The following STAB1 variants were observed in gnomAD, a reference collection of about 807,000 sequenced individuals.
STAB1 encodes the protein stabilin 1.
In STAB1, 250 loss-of-function variants were observed where a neutral mutation model predicts 332.4. That is an observed-to-expected ratio of 0.75 (90% CI 0.68 to 0.84). The LOEUF (loss-of-function observed/expected upper bound fraction) is 0.84. STAB1 is among the 40% of genes least tolerant of loss of function. The probability of loss-of-function intolerance (pLI) is 0.00; values close to 1 mark genes in which losing one functional copy is unlikely to be tolerated. For synonymous variants in STAB1, 1,475 were observed against 1,390.4 expected (o/e 1.06, Z -1.35); for missense variants, 3,249 against 3,489.7 (o/e 0.93, Z 1.74).
Position 52,523,836 on chromosome 3 carries a change from C to T in STAB1, c.7396-35C>T, listed in dbSNP as rs752766247. The T allele has an allele frequency of 2.5e-6, 4 of 1,584,212 alleles. No homozygotes were observed. In the African/African-American group the frequency reaches 4.0e-5, roughly 16 times the overall value. Reference sequence around the variant, plus strand: ...GCCCGGGGAAGGTGGTGGGACAGCTCCCGCCAGGTCAACACTCTCCCTGTT... The same window carrying T: ...GCCCGGGGAAGGTGGTGGGACAGCTTCCGCCAGGTCAACACTCTCCCTGTT... On this transcript the variant is annotated intron_variant, in intron 66 of 68. Transcript: ENST00000321725.
At chr3:52,524,063 T>A (rs772231507) in intron 67 of STAB1, 37 bp from the exon 68 acceptor site, 1 of 1,612,804 alleles carries the variant, frequency 6.2e-7, no homozygotes, top group Non-Finnish European at 8.5e-7. Flanking sequence ...GGATCTCGCT[T>A]GAGGCGCCTC....
rs367750960 is a variant in STAB1 at position 52,514,380 on chromosome 3, C to G, written c.3562C>G (p.Arg1188Gly). 6.5e-7 allele frequency: 1 copy of G among 1,547,862 alleles called. No homozygotes were observed. The highest frequency in any genetic ancestry group is 8.7e-7 in the Non-Finnish European group (1 of 1,146,746). The part of the protein sequence containing the change: ...NSSHLDADTV[R>G]HHVVLGEALS... ...TCTCTTCCAGGACGCAGACACAGTG[C>G]GGCACCATGTGGTCCTGGGGGAGGC... The change falls in exon 34 of 69, where the codon CGG (arginine) becomes GGG (glycine). Residue 1188 changes from arginine to glycine, a missense_variant. Transcript: ENST00000321725.
At chr3:52,514,270 TC>T in intron 33 of STAB1, 57 bp downstream of exon 33, 1 of 1,602,200 alleles carries the variant, frequency 6.2e-7, no homozygotes, top group Non-Finnish European at 8.5e-7. Flanking sequence ...AGGGCGAGCC[TC>T]CAATCCCACC....
chr3:52,502,954 C>G (rs753701911), intron 6 of STAB1, 45 bp from the exon 7 acceptor site: 4 of 1,478,084 alleles, frequency 2.7e-6, no homozygotes, highest in Non-Finnish European at 3.6e-6. Context: ...GTGTTCCTCC[C>G]CAGCCTGGGC....
intron 3 of STAB1, 93 bp downstream of exon 3, chr3:52,501,846 C>A: frequency 7.2e-7 from 1 of 1,395,828 alleles, no homozygotes; most frequent in Non-Finnish European, 9.9e-7. Flanking sequence ...TCCCCTTCAA[C>A]TTGTTTGTTT....
At chr3:52,518,265 C>A (rs772200683) in intron 45 of STAB1, 47 bp from the exon 46 acceptor site, 7 of 1,607,458 alleles carry the variant, frequency 4.4e-6, no homozygotes, top group South Asian at 1.1e-5. Flanking sequence ...GGCACCAGGC[C>A]CTGAATGGGG....
At chr3:52,517,430 A>G (rs778105926) in intron 43 of STAB1, 37 bp downstream of exon 43, 1 of 1,577,854 alleles carries the variant, frequency 6.3e-7, no homozygotes, top group Non-Finnish European at 8.6e-7. Flanking sequence ...GCATCATGCC[A>G]TGCCCTCACA....
In STAB1 at chr3:52,503,834, C is replaced by A; in HGVS notation, c.954C>A (p.Phe318Leu). The change falls in exon 9 of 69, where the codon TTC becomes TTA. Residue 318 changes from phenylalanine to leucine, a missense_variant. Coordinates refer to ENST00000321725, the MANE Select transcript of STAB1 (RefSeq NM_015136.3). The part of the protein sequence containing the change: ...SINSNASAGC[F>L]AFCSPFSCDR... ...ACAGCAACGCTTCTGCGGGCTGCTT[C>A]GCCTTCTGCTCCCCCTTCTCCTGCG... The A allele has an allele frequency of 6.2e-7, 1 of 1,613,260 alleles. No homozygotes were observed. Among genetic ancestry groups the A allele is most frequent in the Non-Finnish European group, 8.5e-7 (1 of 1,180,022 alleles).
chr3:52,501,836 T>TC lies in STAB1; in HGVS notation c.331+87dup, dbSNP rs1375272779. 4 of 1,391,450 alleles carry TC rather than the reference T, an allele frequency of 2.9e-6. No individual in the cohort carries two copies. The African/African-American group carries it at 5.7e-5, about 20-fold the overall frequency. The allele number at this position is 1,391,450 out of a possible 1,614,324, so 86.2% of individuals were successfully genotyped here. ...AGCCCTCTGCAGGAGCCACCTGCATTCCCCTTCAACTTGTTTGTTTAATTA... is the reference window on the plus strand; with the variant it reads ...AGCCCTCTGCAGGAGCCACCTGCATTCCCCCTTCAACTTGTTTGTTTAATTA... On this transcript the variant is annotated intron_variant, in intron 3 of 68. Transcript: ENST00000321725.
chr3:52,513,864 G>T lies in STAB1; in HGVS notation c.3349-19G>T. ...CGTGAAGCAATGACATACTGACCAG[G>T]CCCTGTGCTCTGTACCAGGTCTTAC... is the stretch of plus-strand genomic sequence containing the variant. On this transcript the variant is annotated intron_variant, in intron 31 of 68. Coordinates refer to ENST00000321725, the MANE Select transcript of STAB1 (RefSeq NM_015136.3). 6.2e-7 allele frequency: 1 copy of T among 1,611,558 alleles called. No individual in the cohort carries two copies. The highest frequency in any genetic ancestry group is 8.5e-7 in the Non-Finnish European group (1 of 1,178,724).
chr3:52,498,569 C>T (rs943076902), intron 1 of STAB1, among the ~76,000 whole-genome samples: 3 of 152,240 alleles, frequency 2.0e-5, no homozygotes, highest in Non-Finnish European at 2.9e-5. Context: ...CCAAAGCTCC[C>T]GCTTCCTTCT....
Position 52,506,748 on chromosome 3 carries a change from C to T in STAB1, c.1887C>T (p.Ala629=), listed in dbSNP as rs745981144. 32 of 1,612,572 alleles carry T rather than the reference C, an allele frequency of 2.0e-5. No individual in the cohort carries two copies. Among genetic ancestry groups the T allele is most frequent in the Middle Eastern group, 1.6e-4 (1 of 6,078 alleles). The stretch of plus-strand genomic sequence containing the variant: ...CGCTGCAGAGGGTAGACGTGATGGC[C>T]GCCAATGGTGTGATCCACATGCTGG... ...GVPLQRVDVM[A]ANGVIHMLDG... is the part of the protein sequence containing the mutation. Residue 629 remains alanine, a synonymous_variant, in exon 18 of 69, where the codon GCC becomes GCT. Transcript: ENST00000321725.
intron 6 of STAB1, 118 bp from the exon 7 acceptor site, chr3:52,502,881 A>C: frequency 8.3e-7 from 1 of 1,209,578 alleles, no homozygotes; most frequent in Non-Finnish European, 1.1e-6. Context: ...CACTGTCCAG[A>C]GGCCCAGCAA....
intron 25 of STAB1, among the ~76,000 whole-genome samples, chr3:52,510,891 G>C (rs1027461267): frequency 6.6e-6 from 1 of 152,222 alleles, no homozygotes; most frequent in Non-Finnish European, 1.5e-5. Context: ...CTTCCATGTG[G>C]AGCATTTCAG....
At position 52,502,244 on chromosome 3, in the gene STAB1, G is replaced by T; in HGVS notation, c.487+16G>T. 6.2e-7 allele frequency: 1 copy of T among 1,608,120 alleles called. No individual in the cohort carries two copies. The highest frequency in any genetic ancestry group is 2.2e-5 in the East Asian group (1 of 44,856). The stretch of plus-strand genomic sequence containing the variant: ...TGCCAATCGGGTGAGTGCTTAAAAG[G>T]CAAGAGGGCACGGCCAGCGTCCACC... On this transcript the variant is annotated intron_variant, in intron 5 of 68. Transcript: ENST00000321725.
chr3:52,507,970 A>G lies in STAB1; in HGVS notation c.2092A>G (p.Thr698Ala), dbSNP rs1709000616. The change falls in exon 20 of 69, where the codon ACG (threonine) becomes GCG (alanine). Residue 698 changes from threonine to alanine, a missense_variant. Coordinates refer to ENST00000321725, the MANE Select transcript of STAB1 (RefSeq NM_015136.3). ...GGAGTGTGTCTACATCCATGACCCAACGGGGCTCAATGTGCTAAAGAAGGG... is the reference window on the plus strand; with the variant it reads ...GGAGTGTGTCTACATCCATGACCCAGCGGGGCTCAATGTGCTAAAGAAGGG... ...PKECVYIHDP[T>A]GLNVLKKGCA... is the part of the protein sequence containing the mutation. The G allele has an allele frequency of 2.5e-6, 4 of 1,613,670 alleles. No homozygotes were observed. The highest frequency in any genetic ancestry group is 2.5e-6 in the Non-Finnish European group (3 of 1,179,970).
At position 52,520,924 on chromosome 3, in the gene STAB1, G is replaced by A. The variant is rs139598015; in HGVS notation, c.5827G>A (p.Gly1943Ser). 3.3e-4 allele frequency: 520 copies of A among 1,597,156 alleles called. No individual in the cohort carries two copies. The highest frequency in any genetic ancestry group is 4.3e-4 in the Non-Finnish European group (506 of 1,171,820). The change falls in exon 55 of 69, where the codon GGC becomes AGC. Residue 1943 changes from glycine (G) to serine (S), a missense_variant. Coordinates refer to ENST00000321725, the MANE Select transcript of STAB1 (RefSeq NM_015136.3). ...CCTTTGGGGTAGGCCCCAAGGCCTG[G>A]GCAGGGGCTGCCACCGCAATTGTGT... ...PSLWGRPQGL[G>S]RGCHRNCVTT...
In STAB1 at chr3:52,502,027, C is replaced by T. The variant is rs746438010; in HGVS notation, c.353C>T (p.Thr118Ile). 1 of 1,612,956 alleles carries T rather than the reference C, an allele frequency of 6.2e-7. No homozygotes were observed. Among genetic ancestry groups the T allele is most frequent in the South Asian group, 1.1e-5 (1 of 91,038 alleles). Residue 118 changes from threonine (T) to isoleucine (I), a missense_variant, in exon 4 of 69, where the codon ACC (threonine) becomes ATC (isoleucine). Coordinates refer to ENST00000321725, the MANE Select transcript of STAB1 (RefSeq NM_015136.3). ...RCHECPGGAE[T>I]PCNGHGTCLD... ...ACAGAATGCCCTGGGGGCGCTGAGA[C>T]CCCATGCAATGGCCACGGGACCTGC...
rs1234799436 is a variant in STAB1 at position 52,513,949 on chromosome 3, C to A, written c.3415C>A (p.Pro1139Thr). 6.2e-7 allele frequency: 1 copy of A among 1,605,916 alleles called. No homozygotes were observed. Among genetic ancestry groups the A allele is most frequent in the Non-Finnish European group, 8.5e-7 (1 of 1,174,740 alleles). The change falls in exon 32 of 69, where the codon CCT becomes ACT. Residue 1139 changes from proline to threonine, a missense_variant. By Grantham distance (38) the Pro-to-Thr change is conservative. Coordinates refer to ENST00000321725, the MANE Select transcript of STAB1 (RefSeq NM_015136.3). ...QGLLQQLDLVPAFSLFRELLQ... is the reference protein window; with the variant it reads ...QGLLQQLDLVTAFSLFRELLQ... ...GTTGCTGCAGCAGCTGGACTTGGTGCCTGCCTTCAGCCTCTTCCGGGAATT... is the reference window on the plus strand; with the variant it reads ...GTTGCTGCAGCAGCTGGACTTGGTGACTGCCTTCAGCCTCTTCCGGGAATT...
Sources: allele counts gnomAD v4.1 joint callset (sites outside exome capture counted in the v4.1 genomes callset), GRCh38; gene constraint gnomAD v4.1.1; transcripts MANE v1.5; gene names NCBI Gene and HGNC (gene_info 2026-07-23, HGNC 2026-07-21).